Variants in TSPAN12 observed in about 807,000 individuals in gnomAD.
TSPAN12 encodes tetraspanin-12.
TSPAN12 carries 19 observed loss-of-function variants against 39.2 expected under a neutral mutation model. The ratio of observed to expected loss-of-function variants is 0.49; its 90% confidence interval spans 0.34 to 0.71. The LOEUF (loss-of-function observed/expected upper bound fraction) is 0.71. Among genes scored for constraint, TSPAN12 ranks in the 30% least tolerant of loss-of-function variants. The probability of loss-of-function intolerance (pLI) is 0.01; values close to 1 mark genes in which losing one functional copy is unlikely to be tolerated. For missense variants in TSPAN12, 314 were observed against 359.9 expected, an observed-to-expected ratio of 0.87 and a Z score of 1.03; for synonymous variants, 119 against 124.8, an observed-to-expected ratio of 0.95 and a Z score of 0.31.
chr7:120,802,539 G>T (rs531440766), intron 7 of TSPAN12, among the ~76,000 whole-genome samples: 33 of 151,814 alleles, frequency 2.2e-4, no homozygotes, highest in Non-Finnish European at 4.6e-4. Flanking sequence ...GTATGTATCC[G>T]TAACTAGAAT....
At chr7:120,832,192 T>G (rs1794402450) in intron 4 of TSPAN12, among the ~76,000 whole-genome samples, 1 of 152,094 alleles carries the variant, frequency 6.6e-6, no homozygotes, top group Admixed American at 6.6e-5. Flanking sequence ...TCTTACTTAG[T>G]TCATACCCTT....
chr7:120,835,498 A>G (rs1424150875), intron 4 of TSPAN12, among the ~76,000 whole-genome samples: 1 of 152,244 alleles, frequency 6.6e-6, no homozygotes, highest in Non-Finnish European at 1.5e-5. Context: ...CTAGACTGCC[A>G]TGGCCTGAAT....
At chr7:120,803,433 G>A (rs556489900) in intron 7 of TSPAN12, among the ~76,000 whole-genome samples, 8 of 151,972 alleles carry the variant, frequency 5.3e-5, no homozygotes, top group South Asian at 2.1e-4. Flanking sequence ...TGGACACACC[G>A]TAATTAGGAA....
rs369754614 is a variant in TSPAN12 at position 120,856,671 on chromosome 7, C to T, written c.66+27G>A. On this transcript the variant is annotated intron_variant, in intron 2 of 7. Transcript: ENST00000222747. ...AGAAAACCAGAGCCAGCCGTTCCCA[C>T]CTGTTGGTGCAGTGAAACTTACTTA... The T allele has an allele frequency of 2.6e-5, 42 of 1,613,494 alleles. No homozygotes were observed. In the African/African-American group the frequency reaches 5.1e-4, roughly 19 times the overall value.
Position 120,788,475 on chromosome 7 carries a change from G to T in TSPAN12, c.*117C>A. 1.6e-6 allele frequency: 2 copies of T among 1,227,034 alleles called. No homozygotes were observed. The highest frequency in any genetic ancestry group is 2.4e-6 in the Non-Finnish European group (2 of 843,132). 76.0% of individuals were successfully genotyped at this position (1,227,034 alleles called of 1,614,324 possible). A position where few individuals can be genotyped will look rare whatever the true frequency, so the allele number is the denominator to read the frequency against. Reference sequence around the variant, plus strand: ...TAAAGCATAGAATAGTATATGCTTAGGTGTTATTTTATGGCAACATTTTTA... The same window carrying T: ...TAAAGCATAGAATAGTATATGCTTATGTGTTATTTTATGGCAACATTTTTA... On this transcript the variant is annotated 3_prime_UTR_variant, in exon 8 of 8. Transcript: ENST00000222747.
chr7:120,852,141 G>A (rs1447390478), intron 2 of TSPAN12, among the ~76,000 whole-genome samples: 2 of 151,860 alleles, frequency 1.3e-5, no homozygotes, highest in Non-Finnish European at 2.9e-5. Flanking sequence ...CTCAGAACAG[G>A]AAAACAAAAT....
At chr7:120,814,433 C>T (rs17142974) in intron 5 of TSPAN12, among the ~76,000 whole-genome samples, 5,618 of 152,228 alleles carry the variant, frequency 0.037, 156 homozygotes, top group African/African-American at 0.075. Flanking sequence ...TTTTAAGAAT[C>T]ATCCTGGGTG....
Position 120,788,847 on chromosome 7 carries a change from C to A in TSPAN12, c.663G>T (p.Gln221His). 6.2e-7 allele frequency: 1 copy of A among 1,614,116 alleles called. No individual in the cohort carries two copies. The highest frequency in any genetic ancestry group is 8.5e-7 in the Non-Finnish European group (1 of 1,179,990). The change falls in exon 8 of 8, where the codon CAG (glutamine) becomes CAT (histidine). Residue 221 changes from glutamine (Q) to histidine (H), a missense_variant. Physicochemically the swap from Gln to His is conservative, Grantham distance 24. Transcript: ENST00000222747. ...YSFLRGTKQLQVLRFLGISIG... is the reference protein window; with the variant it reads ...YSFLRGTKQLHVLRFLGISIG... ...TGGAGATTCCCAGAAACCTCAGCAC[C>A]TGCAGTTGTTTGGTTCCTCTCAAAA... is the stretch of plus-strand genomic sequence containing the variant.
At position 120,839,063 on chromosome 7, in the gene TSPAN12, T is replaced by C. The variant is rs1794531676; in HGVS notation, c.150-151A>G. ...TGCATTGTTATTTTCAAAATCACTGTGCTATTGTTTTTATGTTTATTTGCT... is the reference window on the plus strand; with the variant it reads ...TGCATTGTTATTTTCAAAATCACTGCGCTATTGTTTTTATGTTTATTTGCT... On this transcript the variant is annotated intron_variant, in intron 3 of 7. Coordinates refer to ENST00000222747, the MANE Select transcript of TSPAN12 (RefSeq NM_012338.4). 18 of 869,362 alleles carry C rather than the reference T, an allele frequency of 2.1e-5. No homozygotes were observed. In the South Asian group the frequency reaches 2.8e-4, roughly 13 times the overall value. The allele number at this position is 869,362 out of a possible 1,614,324, so 53.9% of individuals were successfully genotyped here. A position where few individuals can be genotyped will look rare whatever the true frequency, so the allele number is the denominator to read the frequency against.
chr7:120,825,302 C>A (rs533901217), intron 4 of TSPAN12, among the ~76,000 whole-genome samples: 1 of 152,126 alleles, frequency 6.6e-6, no homozygotes, highest in Non-Finnish European at 1.5e-5. Flanking sequence ...TAACTAAAAA[C>A]TCAGACGGTT....
chr7:120,796,894 G>A (rs561346270), intron 7 of TSPAN12, among the ~76,000 whole-genome samples: 60 of 152,252 alleles, frequency 3.9e-4, no homozygotes, highest in African/African-American at 1.4e-3. Flanking sequence ...GGTAGCTCAC[G>A]CCTGTAATCC....
chr7:120,808,010 C>T (rs936345384), intron 6 of TSPAN12, among the ~76,000 whole-genome samples: 1 of 151,580 alleles, frequency 6.6e-6, no homozygotes, highest in Admixed American at 6.6e-5. Flanking sequence ...AGTATAAAGA[C>T]TTCACTTCAT....
chr7:120,819,758 G>C (rs1794153547), intron 4 of TSPAN12, among the ~76,000 whole-genome samples: 1 of 152,070 alleles, frequency 6.6e-6, no homozygotes, highest in East Asian at 1.9e-4. Flanking sequence ...AGGATAAAGA[G>C]ACCATCTGCA....
intron 7 of TSPAN12, among the ~76,000 whole-genome samples, chr7:120,801,065 C>T (rs1052175714): frequency 2.0e-5 from 3 of 152,110 alleles, no homozygotes; most frequent in African/African-American, 7.2e-5. Flanking sequence ...GGAATACAGG[C>T]GTGAATCACT....
chr7:120,842,297 A>G (rs950566722), intron 2 of TSPAN12, among the ~76,000 whole-genome samples: 3 of 152,146 alleles, frequency 2.0e-5, no homozygotes, highest in Non-Finnish European at 4.4e-5. Flanking sequence ...TCCATCATTC[A>G]TTACAAATAT....
chr7:120,823,283 T>C (rs1584939261), intron 4 of TSPAN12, among the ~76,000 whole-genome samples: 2 of 150,914 alleles, frequency 1.3e-5, no homozygotes, highest in African/African-American at 4.9e-5. Flanking sequence ...CTGGAGCAGG[T>C]CTAGAATGTT....
At chr7:120,833,579 T>C (rs1261718229) in intron 4 of TSPAN12, among the ~76,000 whole-genome samples, 1 of 152,054 alleles carries the variant, frequency 6.6e-6, no homozygotes, top group Non-Finnish European at 1.5e-5. Context: ...AAAATAAAAT[T>C]GGAAAAAAAA....
rs1378278200 is a variant in TSPAN12 at position 120,787,418 on chromosome 7, A to G, written c.*1174T>C. ...AAATACAGTAAAATGCACTTTTCCC[A>G]TTTCAAATAAATATACTATACTCTT... is the stretch of plus-strand genomic sequence containing the variant. On this transcript the variant is annotated 3_prime_UTR_variant, in exon 8 of 8. Coordinates refer to ENST00000222747, the MANE Select transcript of TSPAN12 (RefSeq NM_012338.4). The G allele has an allele frequency of 2.6e-5, 4 of 152,630 alleles. No individual in the cohort carries two copies. The highest frequency in any genetic ancestry group is 9.6e-5 in the African/African-American group (4 of 41,470). The allele number at this position is 152,630 out of a possible 1,614,324, so 9.5% of individuals were successfully genotyped here. A position where few individuals can be genotyped will look rare whatever the true frequency, so the allele number is the denominator to read the frequency against.
intron 7 of TSPAN12, among the ~76,000 whole-genome samples, chr7:120,793,813 G>C (rs2116295959): frequency 6.6e-6 from 1 of 152,300 alleles, no homozygotes; most frequent in African/African-American, 2.4e-5. Flanking sequence ...ACATGTATTG[G>C]AAAACACCAT....
Sources: gnomAD v4.1 joint callset for allele counts (sites outside exome capture counted in the v4.1 genomes callset) on GRCh38, gnomAD v4.1.1 for gene constraint, MANE v1.5 for transcripts, NCBI Gene and HGNC (gene_info 2026-07-23, HGNC 2026-07-21) for gene names.